The following HERPUD2 variants were observed in gnomAD, a reference collection of about 807,000 sequenced individuals.
The protein encoded by HERPUD2 is HERPUD family member 2.
In HERPUD2, 13 loss-of-function variants were observed where a neutral mutation model predicts 49.9. The ratio of observed to expected loss-of-function variants is 0.26; its 90% confidence interval spans 0.17 to 0.41. The LOEUF (loss-of-function observed/expected upper bound fraction) is 0.41, where lower values mean the gene tolerates loss of function less well. Ranked by LOEUF, HERPUD2 falls within the 10% of genes least tolerant of loss-of-function variation. The pLI, the probability that HERPUD2 is intolerant of heterozygous loss-of-function variation, is 1.00. For missense variants in HERPUD2, 449 were observed against 492.2 expected (o/e 0.91, Z 0.83); for synonymous variants, 172 against 171.4 (o/e 1.00, Z -0.03).
chr7:35,634,674 A>C (rs962970377), intron 7 of HERPUD2, among the ~76,000 whole-genome samples: 3 of 152,200 alleles, frequency 2.0e-5, no homozygotes, highest in Non-Finnish European at 4.4e-5. Flanking sequence ...AAAACATATC[A>C]GGAATCATAA....
intron 5 of HERPUD2, among the ~76,000 whole-genome samples, chr7:35,655,925 C>T (rs2115899480): frequency 6.6e-6 from 1 of 152,264 alleles, no homozygotes; most frequent in South Asian, 2.1e-4. Context: ...CTTTGGGAGG[C>T]CGAGGTGGGC....
At position 35,638,195 on chromosome 7, in the gene HERPUD2, G is replaced by A. The variant is rs1225507724; in HGVS notation, c.617+155C>T. On this transcript the variant is annotated intron_variant, in intron 6 of 8. Coordinates refer to ENST00000311350, the MANE Select transcript of HERPUD2 (RefSeq NM_022373.5). The stretch of plus-strand genomic sequence containing the variant: ...CAGGGAGGAGCCAAGGGCAGGGTTA[G>A]TTCATGTGAACTGGAGGTGAACCCT... Among the ~76,000 whole-genome samples, 4 of 152,234 alleles carry A rather than the reference G, an allele frequency of 2.6e-5. 1 individual carries two copies. The highest frequency in any genetic ancestry group is 2.0e-4 in the Admixed American group (3 of 15,290).
chr7:35,644,281 A>C (rs2115852639), intron 5 of HERPUD2, among the ~76,000 whole-genome samples: 1 of 152,160 alleles, frequency 6.6e-6, no homozygotes, highest in Admixed American at 6.5e-5. Flanking sequence ...GATGAACCTT[A>C]ATTGAATTTA....
rs1437952223 is a variant in HERPUD2 at position 35,633,707 on chromosome 7, G to C, written c.1204C>G (p.Pro402Ala). The C allele has an allele frequency of 3.1e-6, 5 of 1,613,636 alleles. No homozygotes were observed. In the South Asian group the frequency reaches 4.4e-5, roughly 14 times the overall value. The change falls in exon 9 of 9, where the codon CCC (proline) becomes GCC (alanine). Residue 402 changes from proline to alanine, a missense_variant. Physicochemically the swap from Pro to Ala is conservative, Grantham distance 27. Coordinates refer to ENST00000311350, the MANE Select transcript of HERPUD2 (RefSeq NM_022373.5). ...FFTSLIPEGP[P>A]QVAN is the part of the protein sequence containing the mutation. ...TTTTCAGGTCAATTGGCAACCTGGG[G>C]AGGCCCCTCTGGTATTAGTGAAGTA...
Position 35,693,105 on chromosome 7 carries a change from T to C in HERPUD2, c.147+1079A>G, listed in dbSNP as rs1157999574. On this transcript the variant is annotated intron_variant, in intron 2 of 8. Coordinates refer to ENST00000311350, the MANE Select transcript of HERPUD2 (RefSeq NM_022373.5). The stretch of plus-strand genomic sequence containing the variant: ...GACGGTATACTTCTTTTCTAAACTA[T>C]TCCAAGACTCCTTGATTACCAACCA... Among the ~76,000 whole-genome samples the C allele has an allele frequency of 4.6e-5, 7 of 152,354 alleles. No individual in the cohort carries two copies. The East Asian group carries it at 1.3e-3, about 29-fold the overall frequency.
chr7:35,635,031 T>C, intron 7 of HERPUD2, 104 bp downstream of exon 7: 2 of 786,256 alleles, frequency 2.5e-6, no homozygotes, highest in Middle Eastern at 2.6e-4. Flanking sequence ...AAGCCCAGCA[T>C]TCATATTCCT....
chr7:35,683,912 A>C (rs1785971078), intron 2 of HERPUD2, among the ~76,000 whole-genome samples: 1 of 152,196 alleles, frequency 6.6e-6, no homozygotes, highest in East Asian at 1.9e-4. Flanking sequence ...AAAATAATAG[A>C]TGTTGGCGTG....
At chr7:35,682,338 T>TAAATATAGATATATACACACACACAC (rs1169759378) in intron 2 of HERPUD2, among the ~76,000 whole-genome samples, 3 of 22,818 alleles carry the variant, frequency 1.3e-4, no homozygotes, top group African/African-American at 4.3e-4. Context: ...TGTGTGTGTG[T>TAAATATAGATATATACACACACACAC]GTGTGTGTGT....
At chr7:35,658,150 AAG>A (rs1785322789) in intron 5 of HERPUD2, among the ~76,000 whole-genome samples, 1 of 152,228 alleles carries the variant, frequency 6.6e-6, no homozygotes, top group Non-Finnish European at 1.5e-5. Flanking sequence ...TTCACCGTAA[AAG>A]AGGATGAAAT....
rs1266067952 is a variant in HERPUD2 at position 35,670,320 on chromosome 7, C to T, written c.234G>A (p.Glu78=). Residue 78 remains glutamate, a synonymous_variant, in exon 4 of 9, where the codon GAG becomes GAA. Transcript: ENST00000311350. ...TACATACTAGATGAACCATATGATACTCATCTTGCTAAAATTAAAGAAGAT... is the reference window on the plus strand; with the variant it reads ...TACATACTAGATGAACCATATGATATTCATCTTGCTAAAATTAAAGAAGAT... The part of the protein sequence containing the change: ...QLKDILRKQD[E]YHMVHLVCTS... 4 of 1,449,472 alleles carry T rather than the reference C, an allele frequency of 2.8e-6. No individual in the cohort carries two copies. The highest frequency in any genetic ancestry group is 2.9e-5 in the South Asian group (2 of 69,892). 89.8% of individuals were successfully genotyped at this position (1,449,472 alleles called of 1,614,324 possible). A position where few individuals can be genotyped will look rare whatever the true frequency, so the allele number is the denominator to read the frequency against.
At chr7:35,686,729 A>AC (rs1162412724) in intron 2 of HERPUD2, among the ~76,000 whole-genome samples, 2 of 104,578 alleles carry the variant, frequency 1.9e-5, no homozygotes, top group Non-Finnish European at 3.6e-5. Context: ...AAAAAAAAAA[A>AC]AAAAAAAAAA....
At chr7:35,656,963 T>C (rs1785289011) in intron 5 of HERPUD2, among the ~76,000 whole-genome samples, 1 of 152,212 alleles carries the variant, frequency 6.6e-6, no homozygotes, top group South Asian at 2.1e-4. Context: ...TCAAAAATTT[T>C]ACGGCTAAGA....
At chr7:35,660,783 T>C (rs1785400089) in intron 5 of HERPUD2, among the ~76,000 whole-genome samples, 1 of 152,214 alleles carries the variant, frequency 6.6e-6, no homozygotes, top group African/African-American at 2.4e-5. Context: ...TATTAGCCCT[T>C]TGTCAGATGG....
chr7:35,646,745 A>T (rs1382324990), intron 5 of HERPUD2, among the ~76,000 whole-genome samples: 1 of 152,332 alleles, frequency 6.6e-6, no homozygotes, highest in East Asian at 1.9e-4. Context: ...AGGAAAACTG[A>T]GTAAGATAAT....
At chr7:35,658,360 G>A (rs1785328753) in intron 5 of HERPUD2, among the ~76,000 whole-genome samples, 1 of 152,158 alleles carries the variant, frequency 6.6e-6, no homozygotes, top group South Asian at 2.1e-4. Context: ...AGGTGATGAA[G>A]GGAAGATGAA....
intron 2 of HERPUD2, among the ~76,000 whole-genome samples, chr7:35,691,182 TG>T (rs1426276860): frequency 6.6e-6 from 1 of 152,148 alleles, no homozygotes; most frequent in Admixed American, 6.5e-5. Flanking sequence ...AAATGTGCTT[TG>T]AGGGGGAGGG....
chr7:35,635,125 C>T lies in HERPUD2; in HGVS notation c.941+10G>A. Reference sequence around the variant, plus strand: ...AATTAAACCACAAAAAGTTAATGAACATCACTCACAAATAAACCAGTAGCA... The same window carrying T: ...AATTAAACCACAAAAAGTTAATGAATATCACTCACAAATAAACCAGTAGCA... On this transcript the variant is annotated intron_variant, in intron 7 of 8. Transcript: ENST00000311350. 6.2e-7 allele frequency: 1 copy of T among 1,601,706 alleles called. No homozygotes were observed. Among genetic ancestry groups the T allele is most frequent in the African/African-American group, 1.3e-5 (1 of 74,698 alleles).
chr7:35,661,142 T>C (rs1257784858), intron 5 of HERPUD2, among the ~76,000 whole-genome samples: 1 of 152,230 alleles, frequency 6.6e-6, no homozygotes, highest in African/African-American at 2.4e-5. Flanking sequence ...GGGAATCCTT[T>C]CCCCATTTCT....
intron 2 of HERPUD2, among the ~76,000 whole-genome samples, chr7:35,676,850 C>T (rs1785770687): frequency 6.6e-6 from 1 of 152,088 alleles, no homozygotes; most frequent in South Asian, 2.1e-4. Flanking sequence ...CTCAAATTAA[C>T]AATAACAAGA....
Sources: allele counts gnomAD v4.1 joint callset (sites outside exome capture counted in the v4.1 genomes callset), GRCh38; gene constraint gnomAD v4.1.1; transcripts MANE v1.5; gene names NCBI Gene and HGNC (gene_info 2026-07-23, HGNC 2026-07-21).